Variants in SLC35F4 observed in about 807,000 individuals in gnomAD.
SLC35F4 encodes solute carrier family 35 member F4.
A neutral mutation model predicts 44.2 loss-of-function variants in SLC35F4; 24 were observed. The ratio of observed to expected loss-of-function variants is 0.54; its 90% CI spans 0.39 to 0.76. The LOEUF is 0.76. Ranked by LOEUF, SLC35F4 falls within the 30% of genes least tolerant of loss-of-function variation. The pLI is 0.00. For missense variants in SLC35F4, 562 were observed against 586.1 expected (o/e 0.96, Z 0.42); for synonymous variants, 238 against 223.6 (o/e 1.06, Z -0.57).
chr14:57,859,120 G>A lies in SLC35F4; in HGVS notation c.103+6603C>T, dbSNP rs556998974. Among the ~76,000 whole-genome samples, 16 of 151,734 alleles carry A rather than the reference G, an allele frequency of 1.1e-4. No individual in the cohort carries two copies. The South Asian group carries it at 3.3e-3, about 32-fold the overall frequency. ...GACCCTATCTCTTAAAAAGAAAGGG[G>A]GCTTAGGGGGAGGAAGAGAGAGAGA... On this transcript the variant is annotated intron_variant, in intron 1 of 7. Coordinates refer to ENST00000556826, the MANE Select transcript of SLC35F4 (RefSeq NM_001306087.2).
intron 1 of SLC35F4, among the ~76,000 whole-genome samples, chr14:57,754,542 C>T (rs768672455): frequency 6.6e-6 from 1 of 152,170 alleles, no homozygotes; most frequent in African/African-American, 2.4e-5. Context: ...ACTCAGGAAC[C>T]AGATTTATTA....
chr14:57,869,531 T>C (rs12435066), upstream of SLC35F4, among the ~76,000 whole-genome samples: 89 of 152,342 alleles, frequency 5.8e-4, 1 homozygote, highest in Admixed American at 3.5e-3. Context: ...AAGTTACCAC[T>C]GAAAGATGCT....
chr14:57,901,714 T>C (rs1889004169), intron 1 of SLC35F4, among the ~76,000 whole-genome samples: 1 of 152,188 alleles, frequency 6.6e-6, no homozygotes, highest in Non-Finnish European at 1.5e-5. Flanking sequence ...AGAGAATGCC[T>C]AATAAATAAT....
intron 1 of SLC35F4, among the ~76,000 whole-genome samples, chr14:57,969,916 T>G (rs1881004483): frequency 6.6e-6 from 1 of 152,188 alleles, no homozygotes; most frequent in Non-Finnish European, 1.5e-5. Flanking sequence ...GAATTTTCAC[T>G]GGGAGCCCCC....
chr14:57,950,828 C>T (rs986110147), intron 1 of SLC35F4, among the ~76,000 whole-genome samples: 1 of 152,048 alleles, frequency 6.6e-6, no homozygotes, highest in Non-Finnish European at 1.5e-5. Context: ...GCCACCACGC[C>T]AGGCTAATTT....
At chr14:57,787,796 C>T (rs1566854205) in intron 1 of SLC35F4, among the ~76,000 whole-genome samples, 1 of 152,156 alleles carries the variant, frequency 6.6e-6, no homozygotes, top group African/African-American at 2.4e-5. Flanking sequence ...CACATCAAAA[C>T]AGAACCTCTT....
Position 57,589,531 on chromosome 14 carries a change from A to G in SLC35F4, c.290-18T>C, listed in dbSNP as rs745459881. 1.3e-6 allele frequency: 2 copies of G among 1,580,552 alleles called. No individual in the cohort carries two copies. The highest frequency in any genetic ancestry group is 1.7e-6 in the Non-Finnish European group (2 of 1,166,672). On this transcript the variant is annotated intron_variant, in intron 2 of 7. Coordinates refer to ENST00000556826, the MANE Select transcript of SLC35F4 (RefSeq NM_001306087.2). ...ATCGTCTGCTGGAAACAGGAAAGGA[A>G]TACAAATGTGAGGAAAGCAGGTTAT...
intron 1 of SLC35F4, among the ~76,000 whole-genome samples, chr14:57,728,497 G>A (rs187243954): frequency 1.0e-4 from 13 of 126,286 alleles, no homozygotes; most frequent in Admixed American, 2.8e-4. Flanking sequence ...CACTCAGGCT[G>A]GAGTGCAATG....
At chr14:57,964,988 AAAAATATATAT>A (rs1259836413) in intron 1 of SLC35F4, among the ~76,000 whole-genome samples, 1 of 136,818 alleles carries the variant, frequency 7.3e-6, no homozygotes, top group Non-Finnish European at 1.5e-5. Context: ...AAAAAAAAAA[AAAAATATATAT>A]ATATATATAT....
chr14:57,912,536 T>A (rs893142637), intron 1 of SLC35F4, among the ~76,000 whole-genome samples: 4 of 152,050 alleles, frequency 2.6e-5, no homozygotes, highest in Admixed American at 1.3e-4. Context: ...CATGTGTCAT[T>A]TAGAAGTATG....
intron 1 of SLC35F4, among the ~76,000 whole-genome samples, chr14:57,940,728 C>T (rs1242428892): frequency 3.9e-5 from 6 of 152,210 alleles, no homozygotes; most frequent in African/African-American, 1.4e-4. Context: ...TCTTCCATCA[C>T]AAGCAATGCT....
chr14:57,630,000 T>G, intron 1 of SLC35F4: 1 of 530,820 alleles, frequency 1.9e-6, no homozygotes, highest in East Asian at 5.3e-5. Context: ...TTGGTCATTA[T>G]GGTCCTATAG....
At chr14:57,855,065 C>A (rs545756626) in intron 1 of SLC35F4, among the ~76,000 whole-genome samples, 56 of 152,286 alleles carry the variant, frequency 3.7e-4, no homozygotes, top group African/African-American at 1.3e-3. Flanking sequence ...TGATTCTATT[C>A]ATTTCCTCAT....
chr14:57,855,223 A>G (rs1033621828), intron 1 of SLC35F4, among the ~76,000 whole-genome samples: 2 of 152,240 alleles, frequency 1.3e-5, no homozygotes, highest in Non-Finnish European at 2.9e-5. Flanking sequence ...AGGAAGTTAA[A>G]GAAACTATCA....
intron 1 of SLC35F4, among the ~76,000 whole-genome samples, chr14:57,608,816 G>A (rs982237121): frequency 6.9e-6 from 1 of 145,166 alleles, no homozygotes; most frequent in African/African-American, 2.8e-5. Context: ...GAGAGAAACA[G>A]GAAATTATAA....
At chr14:57,925,496 AG>A (rs1481012492) in intron 1 of SLC35F4, among the ~76,000 whole-genome samples, 22,054 of 42,402 alleles carry the variant, frequency 0.52, 2,816 homozygotes, top group East Asian at 0.59. Context: ...GAAGGAAGGA[AG>A]GGAGGGAGGG....
At chr14:57,660,308 C>G (rs558091059) in intron 1 of SLC35F4, among the ~76,000 whole-genome samples, 131 of 152,148 alleles carry the variant, frequency 8.6e-4, no homozygotes, top group Non-Finnish European at 1.5e-3. Flanking sequence ...AACATAGTAT[C>G]TGGAATAGAT....
At chr14:57,690,986 C>A (rs1234772946) in intron 1 of SLC35F4, among the ~76,000 whole-genome samples, 1 of 152,112 alleles carries the variant, frequency 6.6e-6, no homozygotes, top group Non-Finnish European at 1.5e-5. Flanking sequence ...GAGCAGGGGT[C>A]CCCAACCCTG....
chr14:57,871,662 A>G (rs1478461621), intron 1 of SLC35F4, among the ~76,000 whole-genome samples: 1 of 152,146 alleles, frequency 6.6e-6, no homozygotes, highest in African/African-American at 2.4e-5. Flanking sequence ...GTTCTCCCCC[A>G]TTTTAGGCAT....
Sources: gnomAD v4.1 joint callset for allele counts (sites outside exome capture counted in the v4.1 genomes callset) on GRCh38, gnomAD v4.1.1 for gene constraint, MANE v1.5 for transcripts, NCBI Gene and HGNC (gene_info 2026-07-23, HGNC 2026-07-21) for gene names.